MAML2: variants seen among roughly 807,000 people sequenced by gnomAD.
MAML2 encodes the protein mastermind-like protein 2.
A neutral mutation model predicts 96.1 loss-of-function variants in MAML2; 22 were observed. That is an observed-to-expected ratio of 0.23 (90% confidence interval 0.16 to 0.33). The LOEUF (loss-of-function observed/expected upper bound fraction) is 0.33, where lower values mean the gene tolerates loss of function less well. MAML2 is among the 10% of genes least tolerant of loss of function. The pLI, the probability that MAML2 is intolerant of heterozygous loss-of-function variation, is 1.00. For missense variants in MAML2, 1,367 were observed against 1,392.4 expected, an observed-to-expected ratio of 0.98 and a Z score of 0.29; for synonymous variants, 561 against 521.3, an observed-to-expected ratio of 1.08 and a Z score of -1.04.
At chr11:96,325,277 G>GT (rs1307163792) in intron 1 of MAML2, among the ~76,000 whole-genome samples, 1 of 152,096 alleles carries the variant, frequency 6.6e-6, no homozygotes, top group Non-Finnish European at 1.5e-5. Flanking sequence ...GTAGACTGAT[G>GT]CTTACTAGTG....
At chr11:96,070,721 C>T (rs1430047928) in intron 2 of MAML2, among the ~76,000 whole-genome samples, 2 of 152,264 alleles carry the variant, frequency 1.3e-5, no homozygotes, top group Admixed American at 1.3e-4. Context: ...GAGCTGAGCA[C>T]AGCCTGCTGA....
At chr11:96,057,148 A>T (rs2135774137) in intron 2 of MAML2, among the ~76,000 whole-genome samples, 1 of 152,304 alleles carries the variant, frequency 6.6e-6, no homozygotes, top group South Asian at 2.1e-4. Flanking sequence ...TGACTTACAC[A>T]CTAGAATCAG....
intron 1 of MAML2, among the ~76,000 whole-genome samples, chr11:96,166,433 G>A (rs1168000781): frequency 6.6e-6 from 1 of 152,122 alleles, no homozygotes; most frequent in Non-Finnish European, 1.5e-5. Context: ...TTATTTTCTT[G>A]TTTTCTTATT....
intron 1 of MAML2, among the ~76,000 whole-genome samples, chr11:96,288,119 T>A (rs1372176296): frequency 6.6e-6 from 1 of 152,228 alleles, no homozygotes; most frequent in Non-Finnish European, 1.5e-5. Flanking sequence ...CTATCCTTGT[T>A]CAATATATGG....
chr11:96,139,392 G>A (rs1860696377), intron 1 of MAML2, among the ~76,000 whole-genome samples: 1 of 151,842 alleles, frequency 6.6e-6, no homozygotes, highest in South Asian at 2.1e-4. Flanking sequence ...CAGGAGAATG[G>A]CGTGAACCTG....
chr11:96,198,235 T>G (rs1591067591), intron 1 of MAML2, among the ~76,000 whole-genome samples: 1 of 152,218 alleles, frequency 6.6e-6, no homozygotes, highest in East Asian at 1.9e-4. Context: ...GTGAGTTTGC[T>G]TTCCCCAGAG....
intron 1 of MAML2, among the ~76,000 whole-genome samples, chr11:96,314,734 A>G (rs980425028): frequency 2.6e-5 from 4 of 152,212 alleles, no homozygotes; most frequent in African/African-American, 9.7e-5. Flanking sequence ...CTAGAAGATA[A>G]TATAGACTCA....
rs746815888 is a variant in MAML2, at chr11:96,158,841, G to C, written c.514-65324C>G. ...GTCCCAGACTTACCTTTCAGGAAAGGACATAAAATCTACTGTGTTAAGAGA... is the reference window on the plus strand; with the variant it reads ...GTCCCAGACTTACCTTTCAGGAAAGCACATAAAATCTACTGTGTTAAGAGA... On this transcript the variant is annotated intron_variant, in intron 1 of 4. Coordinates refer to ENST00000524717, the MANE Select transcript of MAML2 (RefSeq NM_032427.4). Among the ~76,000 whole-genome samples the C allele has an allele frequency of 9.2e-5, 14 of 152,306 alleles. No homozygotes were observed. In the South Asian group the frequency reaches 1.0e-3, roughly 11 times the overall value.
chr11:96,265,189 T>G (rs564621606), intron 1 of MAML2, among the ~76,000 whole-genome samples: 2 of 152,308 alleles, frequency 1.3e-5, no homozygotes, highest in African/African-American at 2.4e-5. Flanking sequence ...GCAGGCACGA[T>G]GCAAAGCATT....
intron 1 of MAML2, among the ~76,000 whole-genome samples, chr11:96,231,140 T>C (rs920194690): frequency 6.6e-6 from 1 of 152,234 alleles, no homozygotes; most frequent in Non-Finnish European, 1.5e-5. Flanking sequence ...TAGGGGGTTT[T>C]AATAAATATA....
chr11:96,297,298 G>A (rs1449280658), intron 1 of MAML2, among the ~76,000 whole-genome samples: 2 of 152,138 alleles, frequency 1.3e-5, no homozygotes, highest in Non-Finnish European at 2.9e-5. Flanking sequence ...CATAAGGCCA[G>A]ACATAGTGGC....
intron 1 of MAML2, among the ~76,000 whole-genome samples, chr11:96,201,488 T>C (rs578661): frequency 0.13 from 20,231 of 152,270 alleles, 1,463 homozygotes; most frequent in East Asian, 0.24. Context: ...ACTAGGACTA[T>C]TCCACATGAA....
intron 1 of MAML2, among the ~76,000 whole-genome samples, chr11:96,274,146 C>T (rs1005363942): frequency 1.4e-5 from 2 of 145,354 alleles, no homozygotes; most frequent in Admixed American, 1.4e-4. Flanking sequence ...GCAGCGGCGC[C>T]ATCTTGGCTC....
intron 1 of MAML2, among the ~76,000 whole-genome samples, chr11:96,308,174 C>T (rs1321430346): frequency 1.3e-5 from 2 of 151,516 alleles, no homozygotes; most frequent in East Asian, 1.9e-4. Context: ...ATTTGGGGGG[C>T]AGTGGTGGTG....
At chr11:96,074,336 T>A (rs75255554) in intron 2 of MAML2, among the ~76,000 whole-genome samples, 2,900 of 149,796 alleles carry the variant, frequency 0.019, 103 homozygotes, top group African/African-American at 0.067. Flanking sequence ...ATGCTGTACC[T>A]AACAAGTTCA....
chr11:96,078,644 G>A (rs1417190849), intron 2 of MAML2, among the ~76,000 whole-genome samples: 4 of 152,170 alleles, frequency 2.6e-5, no homozygotes, highest in Non-Finnish European at 5.9e-5. Flanking sequence ...CGACAAAACT[G>A]TCTTCTTGTT....
intron 1 of MAML2, among the ~76,000 whole-genome samples, chr11:96,282,252 A>AT (rs778637794): frequency 1.8e-4 from 26 of 142,616 alleles, no homozygotes; most frequent in African/African-American, 5.9e-4. Context: ...CCATCTCAAA[A>AT]AAAAAATAAT....
chr11:96,016,763 C>T (rs1590963425), intron 2 of MAML2, among the ~76,000 whole-genome samples: 1 of 152,104 alleles, frequency 6.6e-6, no homozygotes, highest in African/African-American at 2.4e-5. Context: ...CATATAATAA[C>T]TATTGTTAGT....
intron 1 of MAML2, among the ~76,000 whole-genome samples, chr11:96,188,694 G>A (rs7104688): frequency 0.45 from 67,451 of 151,340 alleles, 15,251 homozygotes; most frequent in African/African-American, 0.48. Context: ...GGTAGTTTGA[G>A]CTGCTGTAAG....
Sources: allele counts gnomAD v4.1 joint callset (sites outside exome capture counted in the v4.1 genomes callset), GRCh38; gene constraint gnomAD v4.1.1; transcripts MANE v1.5; gene names NCBI Gene and HGNC (gene_info 2026-07-23, HGNC 2026-07-21).